Variants in DYNC1I2 observed in about 807,000 individuals in gnomAD.
The protein encoded by DYNC1I2 is cytoplasmic dynein 1 intermediate chain 2.
Under a neutral mutation model 88.6 loss-of-function variants are expected in DYNC1I2, and 53 were observed. The ratio of observed to expected loss-of-function variants is 0.60; its 90% CI spans 0.48 to 0.75. The LOEUF is 0.75. Among genes scored for constraint, DYNC1I2 ranks in the 30% least tolerant of loss-of-function variants. The pLI, the probability that DYNC1I2 is intolerant of heterozygous loss-of-function variation, is 0.00. For missense variants in DYNC1I2, 458 were observed against 766.6 expected (o/e 0.60, Z 4.75); for synonymous variants, 198 against 254.6 (o/e 0.78, Z 2.12).
intron 14 of DYNC1I2, among the ~76,000 whole-genome samples, 168 bp downstream of exon 14, chr2:171,729,018 A>G (rs1327438467): frequency 6.6e-6 from 1 of 152,184 alleles, no homozygotes; most frequent in East Asian, 1.9e-4. Context: ...TGTATAAAAG[A>G]TAATTTTGGA....
Position 171,744,120 on chromosome 2 carries a change from C to T in DYNC1I2, c.1608C>T (p.His536=). 1.2e-6 allele frequency: 2 copies of T among 1,613,498 alleles called. No homozygotes were observed. Among genetic ancestry groups the T allele is most frequent in the Non-Finnish European group, 1.7e-6 (2 of 1,179,688 alleles). ...ATGATGTTATGTGGTCACCTACCCA[C>T]CCAGCCCTGTTTGCCTGTGTGGATG... ...YVYDVMWSPT[H]PALFACVDGM... Residue 536 remains histidine, a synonymous_variant, in exon 16 of 18, where the codon CAC becomes CAT. Coordinates refer to ENST00000397119, the MANE Select transcript of DYNC1I2 (RefSeq NM_001378.3).
chr2:171,723,400 T>C (rs1688024601), intron 7 of DYNC1I2, among the ~76,000 whole-genome samples: 1 of 152,194 alleles, frequency 6.6e-6, no homozygotes, highest in African/African-American at 2.4e-5. Context: ...GTGGAAAATA[T>C]ATGTATATTC....
chr2:171,724,432 C>G (rs930013173), intron 7 of DYNC1I2, among the ~76,000 whole-genome samples: 1 of 152,108 alleles, frequency 6.6e-6, no homozygotes, highest in African/African-American at 2.4e-5. Context: ...GGATTGGAAG[C>G]AGTGAAGCGG....
chr2:171,731,576 G>A (rs1688613325), intron 15 of DYNC1I2, among the ~76,000 whole-genome samples: 1 of 152,126 alleles, frequency 6.6e-6, no homozygotes. Context: ...AACACAAGGA[G>A]ACCCCATGTT....
Position 171,749,497 on chromosome 2 carries a change from C to G in DYNC1I2, c.*1608C>G, listed in dbSNP as rs1288385420. On this transcript the variant is annotated 3_prime_UTR_variant, in exon 18 of 18. Coordinates refer to ENST00000397119, the MANE Select transcript of DYNC1I2 (RefSeq NM_001378.3). ...TTCAATTTTAGTAGAGTCACACTTTCTTTATATAGAAAAATTCATGTACTC... is the reference window on the plus strand; with the variant it reads ...TTCAATTTTAGTAGAGTCACACTTTGTTTATATAGAAAAATTCATGTACTC... Among the ~76,000 whole-genome samples the G allele has an allele frequency of 1.3e-5, 2 of 151,960 alleles. No individual in the cohort carries two copies. The highest frequency in any genetic ancestry group is 2.9e-5 in the Non-Finnish European group (2 of 67,938).
intron 15 of DYNC1I2, among the ~76,000 whole-genome samples, chr2:171,735,325 A>G (rs903055491): frequency 6.6e-6 from 1 of 152,164 alleles, no homozygotes; most frequent in South Asian, 2.1e-4. Context: ...TATTGAACTC[A>G]ACTATTTTTA....
chr2:171,735,685 G>A (rs1295816529), intron 15 of DYNC1I2, among the ~76,000 whole-genome samples: 4 of 152,150 alleles, frequency 2.6e-5, no homozygotes, highest in Non-Finnish European at 4.4e-5. Flanking sequence ...ATTCACAACC[G>A]AAGCACTTTG....
chr2:171,707,081 G>A, intron 4 of DYNC1I2: 1 of 689,162 alleles, frequency 1.5e-6, no homozygotes, highest in East Asian at 2.9e-5. Flanking sequence ...CAGAAAAATT[G>A]CATGAATCTT....
chr2:171,714,813 C>T (rs184059040), intron 6 of DYNC1I2, among the ~76,000 whole-genome samples: 1 of 152,078 alleles, frequency 6.6e-6, no homozygotes, highest in Admixed American at 6.5e-5. Flanking sequence ...TTTTAAAGTC[C>T]AAATTGATAG....
intron 2 of DYNC1I2, among the ~76,000 whole-genome samples, chr2:171,691,325 A>G (rs1053050408): frequency 6.6e-6 from 1 of 152,288 alleles, no homozygotes; most frequent in Non-Finnish European, 1.5e-5. Context: ...TTTTATCCCT[A>G]TGGAAACTCT....
At position 171,721,173 on chromosome 2, in the gene DYNC1I2, T is replaced by C. The variant is rs982637846; in HGVS notation, c.512-4445T>C. On this transcript the variant is annotated intron_variant, in intron 7 of 17. Coordinates refer to ENST00000397119, the MANE Select transcript of DYNC1I2 (RefSeq NM_001378.3). ...GAACTACAGAGAGACAAATTTTGTG[T>C]TAAAGGAAGTGGTATAATTAAACTA... Among the ~76,000 whole-genome samples the C allele has an allele frequency of 2.7e-5, 4 of 149,952 alleles. No homozygotes were observed. In the East Asian group the frequency reaches 7.8e-4, roughly 29 times the overall value.
chr2:171,712,946 T>C (rs1687224297), intron 6 of DYNC1I2, 120 bp downstream of exon 6: 2 of 805,508 alleles, frequency 2.5e-6, no homozygotes, highest in Admixed American at 4.7e-5. Flanking sequence ...ACAAGAGTTA[T>C]ATTTTACTGT....
At position 171,744,042 on chromosome 2, in the gene DYNC1I2, C is replaced by G. The variant is rs1689624162; in HGVS notation, c.1537-7C>G. ...GACTGTGCTAAGAATCAACTTTTCTCTTTCAGAATAACAAGCCTTTGTATT... is the reference window on the plus strand; with the variant it reads ...GACTGTGCTAAGAATCAACTTTTCTGTTTCAGAATAACAAGCCTTTGTATT... On this transcript the variant is annotated splice_polypyrimidine_tract_variant and splice_region_variant and intron_variant, in intron 15 of 17. Coordinates refer to ENST00000397119, the MANE Select transcript of DYNC1I2 (RefSeq NM_001378.3). 3.7e-6 allele frequency: 6 copies of G among 1,605,402 alleles called. No individual in the cohort carries two copies. The highest frequency in any genetic ancestry group is 5.1e-6 in the Non-Finnish European group (6 of 1,177,616).
intron 3 of DYNC1I2, 120 bp from the exon 4 acceptor site, chr2:171,706,427 G>T: frequency 1.3e-6 from 1 of 798,198 alleles, no homozygotes; most frequent in Admixed American, 2.1e-5. Context: ...AATGTTAAAA[G>T]TTGAGGATCT....
intron 15 of DYNC1I2, among the ~76,000 whole-genome samples, chr2:171,732,597 G>A (rs943665448): frequency 2.0e-5 from 3 of 152,088 alleles, no homozygotes; most frequent in African/African-American, 7.2e-5. Context: ...GTTAAGTGAG[G>A]ACTTACTGTA....
Position 171,728,210 on chromosome 2 carries a change from G to A in DYNC1I2, c.1144-95G>A, listed in dbSNP as rs1344697476. ...CATTAAGAATACCCACAAGTTATGA[G>A]ACTCGATAATAAACAGAATGCTTAT... On this transcript the variant is annotated intron_variant, in intron 12 of 17. Coordinates refer to ENST00000397119, the MANE Select transcript of DYNC1I2 (RefSeq NM_001378.3). 15 of 770,470 alleles carry A rather than the reference G, an allele frequency of 1.9e-5. No individual in the cohort carries two copies. The East Asian group carries it at 4.0e-4, about 21-fold the overall frequency. 47.7% of individuals were successfully genotyped at this position (770,470 alleles called of 1,614,324 possible).
intron 6 of DYNC1I2, 79 bp from the exon 7 acceptor site, chr2:171,715,249 G>T: frequency 1.2e-6 from 1 of 835,976 alleles, no homozygotes; most frequent in South Asian, 1.8e-5. Context: ...GGGTGCAAAT[G>T]ACTGTTTAAT....
At chr2:171,729,970 G>C in intron 15 of DYNC1I2, 117 bp downstream of exon 15, 3 of 1,237,354 alleles carry the variant, frequency 2.4e-6, no homozygotes, top group South Asian at 1.4e-5. Flanking sequence ...AATAGATGAA[G>C]CCTGCTAGGA....
Position 171,706,549 on chromosome 2 carries a change from T to A in DYNC1I2, c.229T>A (p.Phe77Ile). The change falls in exon 4 of 18, where the codon TTT becomes ATT. Residue 77 changes from phenylalanine to isoleucine, a missense_variant and splice_region_variant. Coordinates refer to ENST00000397119, the MANE Select transcript of DYNC1I2 (RefSeq NM_001378.3). ...GTATCTTTGTCTGTACACTTCAGTT[T>A]TTTCTGAATACTGGGGTAAGGAAGT... ...MGLTPESPIV[F>I]SEYWVPPPMS... 3.7e-6 allele frequency: 6 copies of A among 1,612,376 alleles called. No individual in the cohort carries two copies. The highest frequency in any genetic ancestry group is 1.7e-6 in the Non-Finnish European group (2 of 1,178,900).
Sources: allele counts gnomAD v4.1 joint callset (sites outside exome capture counted in the v4.1 genomes callset), GRCh38; gene constraint gnomAD v4.1.1; transcripts MANE v1.5; gene names NCBI Gene and HGNC (gene_info 2026-07-23, HGNC 2026-07-21).